PLCE1: variants seen among roughly 807,000 people sequenced by gnomAD.
PLCE1 encodes phospholipase C epsilon 1.
PLCE1 carries 119 observed loss-of-function variants against 242.8 expected under a neutral mutation model. The observed-to-expected ratio is 0.49, with a 90% confidence interval of 0.42 to 0.57. The LOEUF (loss-of-function observed/expected upper bound fraction) is 0.57, where lower values mean the gene tolerates loss of function less well. Ranked by LOEUF, PLCE1 falls within the 20% of genes least tolerant of loss-of-function variation. The pLI is 0.00. For synonymous variants in PLCE1, 945 were observed against 1,017.4 expected, an observed-to-expected ratio of 0.93 and a Z score of 1.35; for missense variants, 2,441 against 2,788.8, an observed-to-expected ratio of 0.88 and a Z score of 2.81.
At chr10:94,028,158 GTAGTGGCTC>G (rs1188961763) in intron 1 of PLCE1, among the ~76,000 whole-genome samples, 1 of 152,208 alleles carries the variant, frequency 6.6e-6, no homozygotes, top group African/African-American at 2.4e-5. Context: ...AGCCCAAAAT[GTAGTGGCTC>G]AAAGCAATAA....
intron 19 of PLCE1, among the ~76,000 whole-genome samples, chr10:94,276,250 G>A (rs145837368): frequency 2.3e-4 from 35 of 152,196 alleles, no homozygotes; most frequent in African/African-American, 8.2e-4. Flanking sequence ...AGTGTGCTTC[G>A]ACTTCTTTAT....
intron 2 of PLCE1, among the ~76,000 whole-genome samples, chr10:94,099,095 T>A (rs2045421452): frequency 1.3e-5 from 2 of 152,210 alleles, no homozygotes; most frequent in Non-Finnish European, 2.9e-5. Flanking sequence ...AGCTCAGTGT[T>A]GGGAAGTCAA....
intron 8 of PLCE1, among the ~76,000 whole-genome samples, chr10:94,247,066 C>T (rs1054688187): frequency 2.7e-5 from 4 of 146,956 alleles, no homozygotes; most frequent in African/African-American, 1.0e-4. Flanking sequence ...GAGCCAAGAT[C>T]GTGCCACTGC....
Position 94,254,319 on chromosome 10 carries a change from T to G in PLCE1, c.3397+12T>G. On this transcript the variant is annotated intron_variant, in intron 10 of 32. Coordinates refer to ENST00000371380, the MANE Select transcript of PLCE1 (RefSeq NM_016341.4). ...ACAAGAAGAATCAGGTAAAGCGGCATGTTTACATCTGAGATTTTTGTTTTT... is the reference window on the plus strand; with the variant it reads ...ACAAGAAGAATCAGGTAAAGCGGCAGGTTTACATCTGAGATTTTTGTTTTT... 6.5e-7 allele frequency: 1 copy of G among 1,537,112 alleles called. No individual in the cohort carries two copies. The highest frequency in any genetic ancestry group is 1.4e-5 in the African/African-American group (1 of 73,598).
At chr10:94,018,617 A>G (rs79157254) in intron 1 of PLCE1, among the ~76,000 whole-genome samples, 3,180 of 152,324 alleles carry the variant, frequency 0.021, 111 homozygotes, top group African/African-American at 0.069. Flanking sequence ...TTGCACAATT[A>G]GTATGCTTAC....
intron 2 of PLCE1, among the ~76,000 whole-genome samples, chr10:94,102,475 C>T: frequency 6.6e-6 from 1 of 152,040 alleles, no homozygotes; most frequent in East Asian, 1.9e-4. Context: ...TACCTTTGTC[C>T]CCTTTTGCAT....
rs773859507 is a variant in PLCE1 at position 94,258,803 on chromosome 10, T to C, written c.3558T>C (p.Ala1186=). The C allele has an allele frequency of 6.2e-7, 1 of 1,614,090 alleles. No individual in the cohort carries two copies. ...GAAGGCCTTGTCTTTGTTGCAGTGCTTGGAGCAGTAGTAGCTGGCACGGGC... is the reference window on the plus strand; with the variant it reads ...GAAGGCCTTGTCTTTGTTGCAGTGCCTGGAGCAGTAGTAGCTGGCACGGGC... ...LSSSNKSPSS[A]WSSSSWHGRI... is the part of the protein sequence containing the mutation. The change falls in exon 12 of 33, where the codon GCT becomes GCC. Residue 1186 remains alanine, a synonymous_variant. Coordinates refer to ENST00000371380, the MANE Select transcript of PLCE1 (RefSeq NM_016341.4).
intron 2 of PLCE1, among the ~76,000 whole-genome samples, chr10:94,112,269 G>A (rs2045979709): frequency 6.6e-6 from 1 of 152,190 alleles, no homozygotes; most frequent in Admixed American, 6.5e-5. Context: ...AATATTAAAT[G>A]TATCTCATTT....
chr10:94,255,949 CTCTCTCT>C lies in PLCE1; in HGVS notation c.3554+901_3554+907del, dbSNP rs1564834547. Among the ~76,000 whole-genome samples the C allele has an allele frequency of 3.6e-3, 499 of 137,746 alleles. 1 individual carries two copies. Among genetic ancestry groups the C allele is most frequent in the Non-Finnish European group, 5.5e-3 (333 of 60,324 alleles). 90.4% of individuals were successfully genotyped at this position (137,746 alleles called of 152,430 possible). A position where few individuals can be genotyped will look rare whatever the true frequency, so the allele number is the denominator to read the frequency against. On this transcript the variant is annotated intron_variant, in intron 11 of 32. Transcript: ENST00000371380. Reference sequence around the variant, plus strand: ...TCTCTCTCTCTCTCTCTCTCTCTCTCTCTCTCTCCCCACCCCTCCCTCTCTCCCCACG... The same window carrying C: ...TCTCTCTCTCTCTCTCTCTCTCTCTCCCCCACCCCTCCCTCTCTCCCCACG...
rs762830348 is a variant in PLCE1, at chr10:94,132,250, C to G, written c.1283C>G (p.Ala428Gly). ...CTCCATTTCCTCACCAAGCTCCCAG[C>G]CTCCGAGACAGCCCATGGAAGGATA... is the stretch of plus-strand genomic sequence containing the variant. ...SLLHFLTKLP[A>G]SETAHGRISV... Residue 428 changes from alanine (A) to glycine (G), a missense_variant, in exon 3 of 33, where the codon GCC becomes GGC. Ala to Gly is a moderately conservative substitution (Grantham distance 60). Around this residue, in one of 5 missense-constraint regions of PLCE1, gnomAD observed 733 missense variants for 754.2 expected, o/e 0.97. Transcript: ENST00000371380. 1.2e-6 allele frequency: 2 copies of G among 1,614,104 alleles called. No homozygotes were observed. Among genetic ancestry groups the G allele is most frequent in the Admixed American group, 1.7e-5 (1 of 60,028 alleles).
chr10:94,287,847 G>A (rs1044866229), intron 22 of PLCE1, among the ~76,000 whole-genome samples: 12 of 151,806 alleles, frequency 7.9e-5, no homozygotes, highest in Non-Finnish European at 1.8e-4. Context: ...ATACACTGCC[G>A]TCTTTCTAGT....
At chr10:94,076,964 TA>T (rs1359555293) in intron 2 of PLCE1, among the ~76,000 whole-genome samples, 2 of 152,222 alleles carry the variant, frequency 1.3e-5, no homozygotes, top group African/African-American at 4.8e-5. Context: ...CATAAGTGGA[TA>T]AAGTACAAGA....
intron 2 of PLCE1, among the ~76,000 whole-genome samples, chr10:94,099,182 C>A (rs1459939019): frequency 6.6e-6 from 1 of 152,216 alleles, no homozygotes; most frequent in Non-Finnish European, 1.5e-5. Context: ...CTTTATATTT[C>A]TGAACCTAAT....
intron 2 of PLCE1, among the ~76,000 whole-genome samples, chr10:94,123,929 G>T (rs2046367976): frequency 6.6e-6 from 1 of 152,036 alleles, no homozygotes; most frequent in Non-Finnish European, 1.5e-5. Flanking sequence ...GGAGGATAAG[G>T]GTGCTATTAG....
intron 2 of PLCE1, among the ~76,000 whole-genome samples, chr10:94,050,396 G>A (rs755511438): frequency 2.0e-5 from 3 of 152,082 alleles, no homozygotes; most frequent in Admixed American, 1.3e-4. Context: ...CAGCATGGGG[G>A]AAACTTCCCC....
intron 3 of PLCE1, among the ~76,000 whole-genome samples, chr10:94,160,697 G>A (rs2047582821): frequency 6.6e-6 from 1 of 152,168 alleles, no homozygotes. Context: ...CCTTGCCCAT[G>A]CCTATGTCCT....
chr10:94,262,528 G>A lies in PLCE1; in HGVS notation c.3849G>A (p.Leu1283=), dbSNP rs758733760. The part of the protein sequence containing the change: ...LLTRNVSDLG[L]FIKSKQQLSD... Reference sequence around the variant, plus strand: ...CCAGAAATGTCTCGGATTTGGGGTTGTTCATTAAGAGTAAACAGCAGCTAT... The same window carrying A: ...CCAGAAATGTCTCGGATTTGGGGTTATTCATTAAGAGTAAACAGCAGCTAT... Residue 1283 remains leucine, a synonymous_variant, in exon 14 of 33, where the codon TTG becomes TTA. Transcript: ENST00000371380. The A allele has an allele frequency of 4.3e-6, 7 of 1,613,780 alleles. No individual in the cohort carries two copies. The Admixed American group carries it at 8.3e-5, about 19-fold the overall frequency.
Position 94,216,444 on chromosome 10 carries a change from A to G in PLCE1, c.1810-10862A>G, listed in dbSNP as rs550906341. 2.6e-5 allele frequency among the ~76,000 whole-genome samples: 4 copies of G among 152,264 alleles called. No individual in the cohort carries two copies. In the South Asian group the frequency reaches 8.3e-4, roughly 32 times the overall value. On this transcript the variant is annotated intron_variant, in intron 4 of 32. Coordinates refer to ENST00000371380, the MANE Select transcript of PLCE1 (RefSeq NM_016341.4). ...AGCTCTAGAGGGTAGACACTCAGGA[A>G]TGATTTGCTGAACAAGTATATATTT...
At chr10:94,076,508 C>T (rs2135177502) in intron 2 of PLCE1, among the ~76,000 whole-genome samples, 1 of 152,260 alleles carries the variant, frequency 6.6e-6, no homozygotes, top group South Asian at 2.1e-4. Flanking sequence ...CTTTTCTGAG[C>T]TGTGCATGGT....
Sources: allele counts gnomAD v4.1 joint callset (sites outside exome capture counted in the v4.1 genomes callset), GRCh38; gene constraint gnomAD v4.1.1; regional missense constraint gnomAD v4.1.1; transcripts MANE v1.5; gene names NCBI Gene and HGNC (gene_info 2026-07-23, HGNC 2026-07-21).